The following PCDHGA1 variants were observed in gnomAD, a reference collection of about 807,000 sequenced individuals.
The protein encoded by PCDHGA1 is protocadherin gamma subfamily A, 1.
A neutral mutation model predicts 58.0 loss-of-function variants in PCDHGA1; 32 were observed. The ratio of observed to expected loss-of-function variants is 0.55; its 90% CI spans 0.42 to 0.74. The LOEUF (loss-of-function observed/expected upper bound fraction) is 0.74. Ranked by LOEUF, PCDHGA1 falls within the 30% of genes least tolerant of loss-of-function variation. The probability of loss-of-function intolerance (pLI) is 0.00; values close to 1 mark genes in which losing one functional copy is unlikely to be tolerated. For missense variants in PCDHGA1, 1,205 were observed against 1,182.3 expected (o/e 1.02, Z -0.28); for synonymous variants, 498 against 501.1 (o/e 0.99, Z 0.08).
chr5:141,488,606 C>T (rs781116401), intron 1 of PCDHGA1, among the ~76,000 whole-genome samples: 2 of 152,156 alleles, frequency 1.3e-5, no homozygotes, highest in Admixed American at 1.3e-4. Flanking sequence ...TTACAAGGTT[C>T]TTACTAATCT....
intron 1 of PCDHGA1, chr5:141,420,083 A>C (rs2096465782): frequency 2.5e-6 from 4 of 1,614,020 alleles, no homozygotes; most frequent in Non-Finnish European, 3.4e-6. Context: ...GGGTCCCCCC[A>C]ACTACAGTGA....
chr5:141,371,221 A>G, intron 1 of PCDHGA1: 1 of 1,614,064 alleles, frequency 6.2e-7, no homozygotes, highest in Non-Finnish European at 8.5e-7. Context: ...ATCAATGCCG[A>G]AATCATCTAT....
intron 1 of PCDHGA1, chr5:141,414,831 G>C: frequency 4.3e-6 from 7 of 1,614,212 alleles, no homozygotes; most frequent in Non-Finnish European, 5.9e-6. Flanking sequence ...ACGTGTCGTT[G>C]AGCCTGTTTG....
Position 141,332,979 on chromosome 5 carries a change from G to T in PCDHGA1, c.2295G>T (p.Lys765Asn), listed in dbSNP as rs763087236. 6.2e-7 allele frequency: 1 copy of T among 1,614,206 alleles called. No homozygotes were observed. The highest frequency in any genetic ancestry group is 8.5e-7 in the Non-Finnish European group (1 of 1,180,044). ...HEVSLTADSR[K>N]SHLIFPQPNY... ...TCTCCCTCACTGCGGACTCGCGGAA[G>T]AGCCACCTGATTTTCCCCCAGCCCA... is the stretch of plus-strand genomic sequence containing the variant. Residue 765 changes from lysine (K) to asparagine (N), a missense_variant, in exon 1 of 4, where the codon AAG (lysine) becomes AAT (asparagine). Lys to Asn is a moderately conservative substitution (Grantham distance 94). Coordinates refer to ENST00000517417, the MANE Select transcript of PCDHGA1 (RefSeq NM_018912.3). The surrounding 1 kb of genome is among the most constrained non-coding windows in gnomAD (Gnocchi z 4.6).
chr5:141,414,243 A>G (rs2154544977), intron 1 of PCDHGA1: 1 of 1,613,556 alleles, frequency 6.2e-7, no homozygotes. Context: ...TCACGTCTCT[A>G]TTTAGTCCAG....
chr5:141,344,342 G>C, intron 1 of PCDHGA1: 2 of 1,613,852 alleles, frequency 1.2e-6, no homozygotes, highest in East Asian at 4.5e-5. Flanking sequence ...CGCTGTGTCT[G>C]GTAAAAATTA....
intron 3 of PCDHGA1, 125 bp downstream of exon 3, chr5:141,505,606 C>G: frequency 6.5e-7 from 1 of 1,528,642 alleles, no homozygotes; most frequent in Non-Finnish European, 8.8e-7. Flanking sequence ...TTCGGCAGGT[C>G]TGAAAGGACC....
Position 141,374,498 on chromosome 5 carries a change from G to GA in PCDHGA1, c.2421+41395dup, listed in dbSNP as rs1265465509. Reference sequence around the variant, plus strand: ...ACCCCGATTCTTAAAGGAAGAATTGGAAGTGAAAATTCTCGAAAACGCAGC... The same window carrying GA: ...ACCCCGATTCTTAAAGGAAGAATTGGAAAGTGAAAATTCTCGAAAACGCAGC... On this transcript the variant is annotated intron_variant, in intron 1 of 3. Transcript: ENST00000517417. 3 of 1,611,504 alleles carry GA rather than the reference G, an allele frequency of 1.9e-6. No homozygotes were observed. The South Asian group carries it at 3.3e-5, about 18-fold the overall frequency.
chr5:141,486,823 A>G lies in PCDHGA1; in HGVS notation c.2422-7984A>G, dbSNP rs778308736. On this transcript the variant is annotated intron_variant, in intron 1 of 3. Coordinates refer to ENST00000517417, the MANE Select transcript of PCDHGA1 (RefSeq NM_018912.3). The surrounding 1 kb of genome is among the most constrained non-coding windows in gnomAD (Gnocchi z 5.0). Reference sequence around the variant, plus strand: ...ACCCACCCCTTAGCAGCACTGTAACAGTTCGTCTATTTGTGCTGGACCTCA... The same window carrying G: ...ACCCACCCCTTAGCAGCACTGTAACGGTTCGTCTATTTGTGCTGGACCTCA... 1.2e-6 allele frequency: 2 copies of G among 1,614,104 alleles called. No individual in the cohort carries two copies. Among genetic ancestry groups the G allele is most frequent in the Admixed American group, 1.7e-5 (1 of 60,008 alleles).
chr5:141,334,418 G>A lies in PCDHGA1; in HGVS notation c.2421+1313G>A, dbSNP rs1187263520. 1.3e-5 allele frequency: 2 copies of A among 148,188 alleles called. No homozygotes were observed. The highest frequency in any genetic ancestry group is 4.9e-5 in the African/African-American group (2 of 40,634). 9.2% of individuals were successfully genotyped at this position (148,188 alleles called of 1,614,324 possible). ...AGGCGGAAAGATCCTTGGAGCCCTG[G>A]AGTTCAAGACCAGCCGGACAGGGCG... On this transcript the variant is annotated intron_variant, in intron 1 of 3. Coordinates refer to ENST00000517417, the MANE Select transcript of PCDHGA1 (RefSeq NM_018912.3). The surrounding 1 kb of genome is among the most constrained non-coding windows in gnomAD (Gnocchi z 4.6).
chr5:141,438,392 ATTAAC>A (rs1296512476), intron 1 of PCDHGA1, among the ~76,000 whole-genome samples: 3 of 151,714 alleles, frequency 2.0e-5, no homozygotes, highest in African/African-American at 7.3e-5. Context: ...TTAGTTCATC[ATTAAC>A]TCTCTGAAGT....
intron 1 of PCDHGA1, chr5:141,371,951 C>A: frequency 6.2e-7 from 1 of 1,613,306 alleles, no homozygotes; most frequent in Non-Finnish European, 8.5e-7. Flanking sequence ...CGCAGCGAGC[C>A]TTCGACCACG....
intron 2 of PCDHGA1, among the ~76,000 whole-genome samples, chr5:141,498,882 G>A (rs1287566657): frequency 6.8e-6 from 1 of 147,420 alleles, no homozygotes; most frequent in African/African-American, 2.5e-5. Context: ...GCAGTGAGCT[G>A]AGATCACACC....
intron 1 of PCDHGA1, chr5:141,433,160 A>G: frequency 1.9e-6 from 3 of 1,613,848 alleles, no homozygotes; most frequent in Middle Eastern, 1.7e-4. Context: ...GGTATTTTCT[A>G]AAGACAGTCA....
intron 1 of PCDHGA1, chr5:141,404,457 C>T: frequency 6.2e-7 from 1 of 1,612,824 alleles, no homozygotes; most frequent in Non-Finnish European, 8.5e-7. Flanking sequence ...TCTCCTCTCT[C>T]CACCTATGTC....
chr5:141,350,084 A>C (rs902633584), intron 1 of PCDHGA1: 21 of 441,658 alleles, frequency 4.8e-5, no homozygotes, highest in African/African-American at 8.1e-5. Flanking sequence ...ATTCTGCAGG[A>C]GCGTCAGGCA....
intron 1 of PCDHGA1, among the ~76,000 whole-genome samples, chr5:141,467,330 G>T (rs1335387199): frequency 6.6e-6 from 1 of 152,138 alleles, no homozygotes; most frequent in East Asian, 1.9e-4. Context: ...TGGGATTAGA[G>T]ACGTAAGCCA....
At chr5:141,342,030 G>A (rs899138698) in intron 1 of PCDHGA1, 1 of 152,902 alleles carries the variant, frequency 6.5e-6, no homozygotes, top group East Asian at 1.9e-4. Flanking sequence ...TAACCTCTAA[G>A]CTATATGCTT....
chr5:141,478,337 T>C (rs766980546), intron 1 of PCDHGA1: 1 of 1,613,942 alleles, frequency 6.2e-7, no homozygotes, highest in Non-Finnish European at 8.5e-7. Context: ...ACCAGGGCCC[T>C]CCTTGCACGC....
Sources: allele counts gnomAD v4.1 joint callset (sites outside exome capture counted in the v4.1 genomes callset), GRCh38; gene constraint gnomAD v4.1.1; non-coding constraint Gnocchi (gnomAD v3.1); transcripts MANE v1.5; gene names NCBI Gene and HGNC (gene_info 2026-07-23, HGNC 2026-07-21).